The following CUX2 variants were observed in gnomAD, a reference collection of about 807,000 sequenced individuals.
CUX2 encodes cut like homeobox 2.
In CUX2, 40 loss-of-function variants were observed where a neutral mutation model predicts 144.8. The observed-to-expected ratio is 0.28, with a 90% CI of 0.21 to 0.36. CUX2 has a LOEUF of 0.36. Among genes scored for constraint, CUX2 ranks in the 10% least tolerant of loss-of-function variants. The pLI is 1.00. For missense variants in CUX2, 1,615 were observed against 1,994.0 expected (o/e 0.81, Z 3.62); for synonymous variants, 827 against 875.6 (o/e 0.94, Z 0.98).
At chr12:111,058,325 G>A (rs563653948) in intron 1 of CUX2, among the ~76,000 whole-genome samples, 69 of 152,328 alleles carry the variant, frequency 4.5e-4, no homozygotes, top group African/African-American at 1.2e-3. Flanking sequence ...ATGGTCTAAT[G>A]CTCCATGATC....
At chr12:111,078,528 G>T (rs1871664990) in intron 1 of CUX2, among the ~76,000 whole-genome samples, 1 of 152,120 alleles carries the variant, frequency 6.6e-6, no homozygotes. Context: ...AAATTAGTTG[G>T]ATGTGGTGGC....
chr12:111,062,652 G>A (rs1870831318), intron 1 of CUX2, among the ~76,000 whole-genome samples: 1 of 152,186 alleles, frequency 6.6e-6, no homozygotes, highest in African/African-American at 2.4e-5. Flanking sequence ...TCCCTGAAGA[G>A]ACCCACATTA....
intron 1 of CUX2, among the ~76,000 whole-genome samples, chr12:111,148,433 A>G (rs989867634): frequency 5.3e-5 from 8 of 152,204 alleles, no homozygotes; most frequent in African/African-American, 1.9e-4. Context: ...TGGGAAGGTG[A>G]AAAAGTTCTG....
intron 1 of CUX2, among the ~76,000 whole-genome samples, chr12:111,187,419 G>GC (rs891595115): frequency 1.3e-4 from 20 of 151,740 alleles, no homozygotes; most frequent in African/African-American, 2.7e-4. Flanking sequence ...CCCTCCCCTG[G>GC]CCCCCCCACT....
At chr12:111,188,960 C>T (rs561948951) in intron 1 of CUX2, among the ~76,000 whole-genome samples, 21 of 152,270 alleles carry the variant, frequency 1.4e-4, no homozygotes, top group Non-Finnish European at 2.6e-4. Context: ...AGCTGATCCT[C>T]CCTCCCTTTA....
In CUX2 at chr12:111,293,484, A is replaced by T; in HGVS notation, c.475A>T (p.Thr159Ser). The change falls in exon 6 of 22, where the codon ACC (threonine) becomes TCC (serine). Residue 159 changes from threonine to serine, a missense_variant. Coordinates refer to ENST00000261726, the MANE Select transcript of CUX2 (RefSeq NM_015267.4). This position sits in a 1 kb window ranked among gnomAD's most constrained non-coding sequence, Gnocchi z 4.5. ...GACGTCGCCTGCCGGGCCCACGCTGACCGAGGGAAGCCGCCTCCCAGGCAT... is the reference window on the plus strand; with the variant it reads ...GACGTCGCCTGCCGGGCCCACGCTGTCCGAGGGAAGCCGCCTCCCAGGCAT... ...EGTSPAGPTL[T>S]EGSRLPGIPG... 6.2e-7 allele frequency: 1 copy of T among 1,608,920 alleles called. No individual in the cohort carries two copies. Among genetic ancestry groups the T allele is most frequent in the Middle Eastern group, 1.9e-4 (1 of 5,222 alleles).
intron 1 of CUX2, among the ~76,000 whole-genome samples, chr12:111,100,341 G>A (rs1462311259): frequency 6.6e-6 from 1 of 152,104 alleles, no homozygotes; most frequent in Non-Finnish European, 1.5e-5. Flanking sequence ...GGCCGCGAGA[G>A]CCGTCCATGC....
At chr12:111,267,575 C>A (rs936681493) in intron 4 of CUX2, among the ~76,000 whole-genome samples, 1 of 152,178 alleles carries the variant, frequency 6.6e-6, no homozygotes, top group Non-Finnish European at 1.5e-5. Flanking sequence ...TAGTTTCCTA[C>A]GGCTGTTGTA....
At chr12:111,288,390 G>C (rs1885502949) in intron 4 of CUX2, among the ~76,000 whole-genome samples, 1 of 152,020 alleles carries the variant, frequency 6.6e-6, no homozygotes, top group South Asian at 2.1e-4. Flanking sequence ...CAGAGAGGTA[G>C]AGTCACTTGC....
At chr12:111,245,554 C>T (rs925994912) in intron 3 of CUX2, among the ~76,000 whole-genome samples, 6 of 151,902 alleles carry the variant, frequency 3.9e-5, no homozygotes, top group African/African-American at 1.2e-4. Context: ...CCCAGGAGAT[C>T]GAGGCTGCAG....
chr12:111,343,766 A>G (rs1888678613), intron 21 of CUX2, among the ~76,000 whole-genome samples: 2 of 152,208 alleles, frequency 1.3e-5, no homozygotes, highest in Non-Finnish European at 2.9e-5. Context: ...AACACATTAT[A>G]AAATATGGTT....
At chr12:111,040,598 C>T in intron 1 of CUX2, among the ~76,000 whole-genome samples, 1 of 152,170 alleles carries the variant, frequency 6.6e-6, no homozygotes, top group Non-Finnish European at 1.5e-5. Context: ...ACTAAAGAAG[C>T]TTCCACCACT....
intron 4 of CUX2, among the ~76,000 whole-genome samples, chr12:111,266,170 T>A (rs1884374605): frequency 6.6e-6 from 1 of 152,092 alleles, no homozygotes; most frequent in African/African-American, 2.4e-5. Context: ...CTAAATCCAA[T>A]GACTGGTGTT....
intron 1 of CUX2, among the ~76,000 whole-genome samples, chr12:111,183,149 G>A (rs1200708676): frequency 6.6e-6 from 1 of 152,234 alleles, no homozygotes; most frequent in Non-Finnish European, 1.5e-5. Context: ...AAGTTTATGT[G>A]CTTCACCCCA....
At chr12:111,231,007 T>G (rs750072139) in intron 3 of CUX2, among the ~76,000 whole-genome samples, 2 of 152,180 alleles carry the variant, frequency 1.3e-5, no homozygotes, top group Non-Finnish European at 2.9e-5. Flanking sequence ...GCATTGAGTA[T>G]GTATTGCCTT....
At chr12:111,325,022 A>T (rs1288009061) in intron 18 of CUX2, among the ~76,000 whole-genome samples, 2 of 151,620 alleles carry the variant, frequency 1.3e-5, no homozygotes, top group African/African-American at 4.8e-5. Context: ...GGGGTGCCTC[A>T]TGCCTGTAAT....
intron 1 of CUX2, among the ~76,000 whole-genome samples, chr12:111,126,052 GC>G (rs200428622): frequency 0.043 from 6,241 of 145,856 alleles, 536 homozygotes; most frequent in African/African-American, 0.16. Context: ...CGTGGGGGGG[GC>G]GGATTTATTA....
At chr12:111,069,685 G>C (rs1871181714) in intron 1 of CUX2, among the ~76,000 whole-genome samples, 1 of 152,004 alleles carries the variant, frequency 6.6e-6, no homozygotes, top group East Asian at 1.9e-4. Context: ...GTCTTCACAT[G>C]GTCATACCCT....
chr12:111,040,506 T>C (rs1296721649), intron 1 of CUX2, among the ~76,000 whole-genome samples: 2 of 151,928 alleles, frequency 1.3e-5, no homozygotes, highest in African/African-American at 4.8e-5. Flanking sequence ...CCTGCGACCC[T>C]TTCCCTCCCA....
Sources: allele counts gnomAD v4.1 joint callset (sites outside exome capture counted in the v4.1 genomes callset), GRCh38; gene constraint gnomAD v4.1.1; non-coding constraint Gnocchi (gnomAD v3.1); transcripts MANE v1.5; gene names NCBI Gene and HGNC (gene_info 2026-07-23, HGNC 2026-07-21).